The following ATP6V0A4 variants were observed in gnomAD, a reference collection of about 807,000 sequenced individuals.
The protein encoded by ATP6V0A4 is V-type proton ATPase 116 kDa subunit a 4.
A neutral mutation model predicts 107.3 loss-of-function variants in ATP6V0A4; 86 were observed. The ratio of observed to expected loss-of-function variants is 0.80; its 90% CI spans 0.67 to 0.96. The LOEUF is 0.96. Among genes scored for constraint, ATP6V0A4 ranks in the 40% least tolerant of loss-of-function variants. ATP6V0A4 has a pLI of 0.00. For missense variants in ATP6V0A4, 908 were observed against 1,045.6 expected (o/e 0.87, Z 1.81); for synonymous variants, 353 against 381.4 (o/e 0.93, Z 0.87).
intron 19 of ATP6V0A4, among the ~76,000 whole-genome samples, chr7:138,718,177 GAGGGAGACGTCCAGGAAGGAAT>G (rs1804180844): frequency 2.3e-5 from 3 of 129,754 alleles, no homozygotes; most frequent in Non-Finnish European, 5.0e-5. Context: ...GATGTCTGTG[GAGGGAGACGTCCAGGAAGGAAT>G]GGGTGTGTGT....
intron 11 of ATP6V0A4, among the ~76,000 whole-genome samples, chr7:138,751,302 C>T (rs1317447846): frequency 1.3e-5 from 2 of 152,220 alleles, no homozygotes; most frequent in African/African-American, 4.8e-5. Flanking sequence ...ACGCAGTTCC[C>T]GAGGGCAAGC....
intron 17 of ATP6V0A4, 23 bp from the exon 18 acceptor site, chr7:138,728,885 T>G: frequency 6.2e-7 from 1 of 1,613,690 alleles, no homozygotes; most frequent in African/African-American, 1.3e-5. Flanking sequence ...AATGGCGAGA[T>G]CTCATCATTT....
chr7:138,733,381 G>A (rs571991133), intron 16 of ATP6V0A4, among the ~76,000 whole-genome samples: 83 of 152,102 alleles, frequency 5.5e-4, no homozygotes, highest in South Asian at 1.2e-3. Flanking sequence ...CAGAGAGGGT[G>A]GTGATCTGAC....
At position 138,759,797 on chromosome 7, in the gene ATP6V0A4, G is replaced by A; in HGVS notation, c.594C>T (p.Tyr198=). 6.2e-7 allele frequency: 1 copy of A among 1,614,166 alleles called. No homozygotes were observed. The highest frequency in any genetic ancestry group is 8.5e-7 in the Non-Finnish European group (1 of 1,180,044). Reference sequence around the variant, plus strand: ...GGGCGTCCATCTCACTGAACTTCAAGTACACGTTTCCTCGGCAGATTCGCC... The same window carrying A: ...GGGCGTCCATCTCACTGAACTTCAAATACACGTTTCCTCGGCAGATTCGCC... ...LLWRICRGNV[Y]LKFSEMDAPL... is the part of the protein sequence containing the mutation. The change falls in exon 8 of 22, where the codon TAC becomes TAT. Residue 198 remains tyrosine (Y), a synonymous_variant. Transcript: ENST00000310018.
At chr7:138,749,877 C>T (rs901894959) in intron 11 of ATP6V0A4, among the ~76,000 whole-genome samples, 41 of 152,226 alleles carry the variant, frequency 2.7e-4, no homozygotes, top group South Asian at 6.2e-4. Context: ...TTCAGTCAGT[C>T]GATCACCCAG....
At chr7:138,708,720 C>T (rs1803578995) in intron 21 of ATP6V0A4, among the ~76,000 whole-genome samples, 1 of 152,166 alleles carries the variant, frequency 6.6e-6, no homozygotes, top group Admixed American at 6.5e-5. Context: ...CCTTCTCTTT[C>T]CACTTTTGAG....
At chr7:138,730,927 TCTTC>T (rs1334724609) in intron 17 of ATP6V0A4, among the ~76,000 whole-genome samples, 24 of 74,444 alleles carry the variant, frequency 3.2e-4, no homozygotes, top group East Asian at 6.9e-4. Context: ...TTCTTCTTCT[TCTTC>T]TTTTTTTATT....
At chr7:138,743,738 T>C (rs1004818143) in intron 14 of ATP6V0A4, among the ~76,000 whole-genome samples, 5 of 152,174 alleles carry the variant, frequency 3.3e-5, no homozygotes, top group African/African-American at 9.7e-5. Flanking sequence ...CAGGGAAATC[T>C]TAAGCTGACC....
At chr7:138,720,873 G>A (rs1804392385) in intron 19 of ATP6V0A4, among the ~76,000 whole-genome samples, 1 of 152,146 alleles carries the variant, frequency 6.6e-6, no homozygotes, top group East Asian at 1.9e-4. Context: ...CTAACCTCAA[G>A]TGATCCGCCC....
chr7:138,768,658 A>C, intron 5 of ATP6V0A4, 122 bp downstream of exon 5: 1 of 1,229,584 alleles, frequency 8.1e-7, no homozygotes, highest in South Asian at 1.5e-5. Flanking sequence ...ACGACCATGC[A>C]GGCCTGCCTC....
Position 138,721,926 on chromosome 7 carries a change from G to T in ATP6V0A4, c.2110C>A (p.His704Asn), listed in dbSNP as rs1187068679. 1 of 1,614,120 alleles carries T rather than the reference G, an allele frequency of 6.2e-7. No individual in the cohort carries two copies. Among genetic ancestry groups the T allele is most frequent in the Non-Finnish European group, 8.5e-7 (1 of 1,180,002 alleles). ...TCTCCATGGTCGTCCAGAGCCCCGT[G>T]GGTATCTGCAGAAGTCCTCTGGCCA... ...RSGQRTSADT[H>N]GALDDHGEEF... The change falls in exon 19 of 22, where the codon CAC becomes AAC. Residue 704 changes from histidine (H) to asparagine (N), a missense_variant. His to Asn is a moderately conservative substitution (Grantham distance 68). Coordinates refer to ENST00000310018, the MANE Select transcript of ATP6V0A4 (RefSeq NM_020632.3).
At chr7:138,777,932 G>A (rs1395153538) in intron 2 of ATP6V0A4, among the ~76,000 whole-genome samples, 4 of 152,154 alleles carry the variant, frequency 2.6e-5, no homozygotes, top group African/African-American at 7.2e-5. Flanking sequence ...CCCAAACTCC[G>A]AGCACCAACA....
intron 3 of ATP6V0A4, among the ~76,000 whole-genome samples, chr7:138,770,627 A>G (rs971605049): frequency 6.6e-6 from 1 of 152,144 alleles, no homozygotes; most frequent in Non-Finnish European, 1.5e-5. Context: ...TGAGGGTCTA[A>G]ACTGCCCCTG....
chr7:138,745,325 A>G (rs777353785), intron 13 of ATP6V0A4, 45 bp from the exon 14 acceptor site: 84 of 1,612,274 alleles, frequency 5.2e-5, no homozygotes, highest in Admixed American at 1.0e-4. Context: ...TGGGCTCTGA[A>G]GCAGACCCCA....
chr7:138,796,425 GA>G (rs1288223599), intron 1 of ATP6V0A4, among the ~76,000 whole-genome samples: 1 of 152,148 alleles, frequency 6.6e-6, no homozygotes, highest in East Asian at 1.9e-4. Flanking sequence ...ACTCCACTAG[GA>G]AATCTTTCCT....
intron 11 of ATP6V0A4, among the ~76,000 whole-genome samples, chr7:138,752,382 A>T (rs1206318484): frequency 4.8e-4 from 68 of 142,312 alleles, no homozygotes; most frequent in East Asian, 3.0e-3. Context: ...TTTTTTTTTT[A>T]AAAAAACCTC....
At chr7:138,720,283 G>C (rs1320172879) in intron 19 of ATP6V0A4, among the ~76,000 whole-genome samples, 1 of 152,280 alleles carries the variant, frequency 6.6e-6, no homozygotes, top group South Asian at 2.1e-4. Flanking sequence ...GAAACAGGGG[G>C]AGGCACACAT....
At chr7:138,769,034 C>T (rs1228454006) in intron 4 of ATP6V0A4, 139 bp downstream of exon 4, 2 of 1,555,648 alleles carry the variant, frequency 1.3e-6, no homozygotes, top group East Asian at 4.6e-5. Flanking sequence ...CTCCCCCATT[C>T]CCTCCAGGTG....
intron 21 of ATP6V0A4, among the ~76,000 whole-genome samples, chr7:138,708,340 C>G (rs1803559757): frequency 6.6e-6 from 1 of 152,172 alleles, no homozygotes; most frequent in Non-Finnish European, 1.5e-5. Flanking sequence ...GCCACCGTGC[C>G]CAGCCTCATT....
Sources: gnomAD v4.1 joint callset for allele counts (sites outside exome capture counted in the v4.1 genomes callset) on GRCh38, gnomAD v4.1.1 for gene constraint, MANE v1.5 for transcripts, NCBI Gene and HGNC (gene_info 2026-07-23, HGNC 2026-07-21) for gene names.